Variants in GPR180 observed in about 807,000 individuals in gnomAD.
The protein encoded by GPR180 is G protein-coupled receptor 180.
In GPR180, 53 loss-of-function variants were observed where a neutral mutation model predicts 52.6. The observed-to-expected ratio is 1.01, with a 90% CI of 0.81 to 1.27. The LOEUF (loss-of-function observed/expected upper bound fraction) is 1.27. GPR180 is among the 50% of genes most tolerant of loss of function. The pLI is 0.00. For missense variants in GPR180, 533 were observed against 527.0 expected (o/e 1.01, Z -0.11); for synonymous variants, 200 against 193.1 (o/e 1.04, Z -0.30).
At chr13:94,609,783 C>T (rs984106590) in intron 2 of GPR180, among the ~76,000 whole-genome samples, 40 of 150,938 alleles carry the variant, frequency 2.7e-4, no homozygotes, top group African/African-American at 8.3e-4. Context: ...GTTTAAATGT[C>T]AGCTAACTTA....
At chr13:94,624,645 C>T (rs1002363480) in intron 7 of GPR180, among the ~76,000 whole-genome samples, 1 of 151,826 alleles carries the variant, frequency 6.6e-6, no homozygotes. Context: ...GCAAGCTCCG[C>T]CTTCCGGGTT....
In GPR180 at chr13:94,630,499, T is replaced by A. The variant is rs1889981715; in HGVS notation, c.*3328T>A. ...CATATAAATCAGATCAAACTACTACTTCCCTGACAAAAACCCTCCATGTGC... is the reference window on the plus strand; with the variant it reads ...CATATAAATCAGATCAAACTACTACATCCCTGACAAAAACCCTCCATGTGC... On this transcript the variant is annotated 3_prime_UTR_variant, in exon 9 of 9. Coordinates refer to ENST00000376958, the MANE Select transcript of GPR180 (RefSeq NM_180989.6). 6.6e-6 allele frequency: 1 copy of A among 152,252 alleles called. No homozygotes were observed. Among genetic ancestry groups the A allele is most frequent in the South Asian group, 2.1e-4 (1 of 4,828 alleles). 9.4% of individuals were successfully genotyped at this position (152,252 alleles called of 1,614,324 possible).
Position 94,629,947 on chromosome 13 carries a change from C to T in GPR180, c.*2776C>T, listed in dbSNP as rs1262266154. ...CCTTCAGCATGTTTCTTCTAGGAGA[C>T]TGCACGTTCTTTGGAATTTGGAAAT... On this transcript the variant is annotated 3_prime_UTR_variant, in exon 9 of 9. Transcript: ENST00000376958. 1.3e-5 allele frequency: 2 copies of T among 152,164 alleles called. No individual in the cohort carries two copies. Among genetic ancestry groups the T allele is most frequent in the African/African-American group, 4.8e-5 (2 of 41,432 alleles). 9.4% of individuals were successfully genotyped at this position (152,164 alleles called of 1,614,324 possible).
At chr13:94,618,245 A>G (rs531059167) in intron 3 of GPR180, among the ~76,000 whole-genome samples, 2 of 152,038 alleles carry the variant, frequency 1.3e-5, no homozygotes, top group African/African-American at 4.8e-5. Flanking sequence ...TTCAACTTCA[A>G]TTTCTATGGC....
chr13:94,604,566 A>G (rs570910099), intron 1 of GPR180, among the ~76,000 whole-genome samples: 1 of 151,636 alleles, frequency 6.6e-6, no homozygotes, highest in African/African-American at 2.4e-5. Flanking sequence ...CTCCAGCCTG[A>G]GTGACAGAGT....
chr13:94,620,284 C>G (rs1477095160), intron 5 of GPR180, among the ~76,000 whole-genome samples: 2 of 152,100 alleles, frequency 1.3e-5, no homozygotes, highest in East Asian at 3.9e-4. Context: ...AAGCCTAAAA[C>G]TCACATCAAA....
At chr13:94,609,274 G>A (rs888543660) in intron 2 of GPR180, among the ~76,000 whole-genome samples, 3 of 152,054 alleles carry the variant, frequency 2.0e-5, no homozygotes, top group African/African-American at 7.2e-5. Flanking sequence ...ACCATTCTCA[G>A]CAGTTCAAGT....
Position 94,619,518 on chromosome 13 carries a change from G to A in GPR180, c.736+1G>A. 1 of 1,611,710 alleles carries A rather than the reference G, an allele frequency of 6.2e-7. No homozygotes were observed. ...CCATTTATGGGAAGTTTGGCAGAAT[G>A]TGAGTATCTTTCTGAGCATTTTTTA... On this transcript the variant is annotated splice_donor_variant, in intron 5 of 8. Coordinates refer to ENST00000376958, the MANE Select transcript of GPR180 (RefSeq NM_180989.6). LOFTEE classifies it high-confidence loss of function.
At position 94,605,511 on chromosome 13, in the gene GPR180, A is replaced by G. The variant is rs1453496885; in HGVS notation, c.266A>G (p.Tyr89Cys). Residue 89 changes from tyrosine (Y) to cysteine (C), a missense_variant, in exon 2 of 9, where the codon TAT becomes TGT. Physicochemically the swap from Tyr to Cys is radical, Grantham distance 194. Coordinates refer to ENST00000376958, the MANE Select transcript of GPR180 (RefSeq NM_180989.6). ...AAGCTACAGCAAAGCAGTCATGGTT[A>G]TAGCTGTAGTGAAAAATTATCCAAA... The part of the protein sequence containing the change: ...WLKLQQSSHG[Y>C]SCSEKLSKAQ... 2.5e-6 allele frequency: 4 copies of G among 1,613,702 alleles called. No homozygotes were observed. Among genetic ancestry groups the G allele is most frequent in the Admixed American group, 3.3e-5 (2 of 59,944 alleles).
At chr13:94,615,421 C>G (rs543107876) in intron 3 of GPR180, among the ~76,000 whole-genome samples, 23 of 152,098 alleles carry the variant, frequency 1.5e-4, no homozygotes, top group Non-Finnish European at 3.1e-4. Flanking sequence ...CAGATAGTTG[C>G]AATTAATGTT....
chr13:94,602,609 AGGGCAGTAGATTTACTAT>A (rs1057179998), intron 1 of GPR180, among the ~76,000 whole-genome samples: 4 of 151,248 alleles, frequency 2.6e-5, no homozygotes, highest in Admixed American at 1.3e-4. Context: ...CTTGGCTACT[AGGGCAGTAGATTTACTAT>A]GGGCAGTAAG....
chr13:94,632,151 CAAG>C lies in GPR180; in HGVS notation c.*4983_*4985del, dbSNP rs1390827776. On this transcript the variant is annotated 3_prime_UTR_variant, in exon 9 of 9. Transcript: ENST00000376958. ...ATTCATGACAGTGACTGATGGTAAT[CAAG>C]AAAATATTAAGTTATAAGTTATGTT... 1 of 152,116 alleles carries C rather than the reference CAAG, an allele frequency of 6.6e-6. No individual in the cohort carries two copies. Among genetic ancestry groups the C allele is most frequent in the Admixed American group, 6.5e-5 (1 of 15,280 alleles). 9.4% of individuals were successfully genotyped at this position (152,116 alleles called of 1,614,324 possible).
chr13:94,609,752 G>GTT (rs78739238), intron 2 of GPR180, among the ~76,000 whole-genome samples: 3 of 140,884 alleles, frequency 2.1e-5, no homozygotes, highest in Admixed American at 7.1e-5. Context: ...CTGTATGTGT[G>GTT]TTTTTTTTTT....
chr13:94,622,588 T>G (rs1889865665), intron 6 of GPR180, among the ~76,000 whole-genome samples: 1 of 152,224 alleles, frequency 6.6e-6, no homozygotes, highest in Non-Finnish European at 1.5e-5. Flanking sequence ...TGGGCTGTGG[T>G]AGCTCTGTGG....
At chr13:94,607,704 T>G (rs1212669708) in intron 2 of GPR180, among the ~76,000 whole-genome samples, 4 of 152,194 alleles carry the variant, frequency 2.6e-5, no homozygotes, top group Non-Finnish European at 1.5e-5. Flanking sequence ...TGCTAGGTAC[T>G]GTTGATAGAT....
chr13:94,605,603 G>A, intron 2 of GPR180, 54 bp downstream of exon 2: 5 of 1,457,504 alleles, frequency 3.4e-6, no homozygotes, highest in Non-Finnish European at 3.8e-6. Context: ...TCCTCCTAAT[G>A]TTGAAATATA....
At chr13:94,607,865 T>C (rs2139564520) in intron 2 of GPR180, among the ~76,000 whole-genome samples, 1 of 152,382 alleles carries the variant, frequency 6.6e-6, no homozygotes, top group South Asian at 2.1e-4. Context: ...CGGTGCTTAG[T>C]TAAGTTTTTA....
intron 2 of GPR180, among the ~76,000 whole-genome samples, chr13:94,607,923 T>A (rs951725419): frequency 6.6e-6 from 1 of 152,222 alleles, no homozygotes; most frequent in Admixed American, 6.5e-5. Context: ...GCTTAAGGGC[T>A]TGTTGTTTGG....
intron 6 of GPR180, among the ~76,000 whole-genome samples, chr13:94,622,804 ACC>A (rs1336286387): frequency 2.6e-5 from 4 of 152,212 alleles, no homozygotes; most frequent in African/African-American, 9.6e-5. Context: ...CGAACTCCTG[ACC>A]TCAGGTGATC....
Sources: allele counts gnomAD v4.1 joint callset (sites outside exome capture counted in the v4.1 genomes callset), GRCh38; gene constraint gnomAD v4.1.1; transcripts MANE v1.5; gene names NCBI Gene and HGNC (gene_info 2026-07-23, HGNC 2026-07-21).